Variants in ARHGAP5 observed in about 807,000 individuals in gnomAD.
The protein encoded by ARHGAP5 is Rho GTPase activating protein 5, also known as rho GTPase-activating protein 5.
In ARHGAP5, 23 loss-of-function variants were observed where a neutral mutation model predicts 116.6. That is an observed-to-expected ratio of 0.20 (90% CI 0.14 to 0.28). The LOEUF (loss-of-function observed/expected upper bound fraction) is 0.28. Among genes scored for constraint, ARHGAP5 ranks in the 10% least tolerant of loss-of-function variants. The probability of loss-of-function intolerance (pLI) is 1.00; values close to 1 mark genes in which losing one functional copy is unlikely to be tolerated. For synonymous variants in ARHGAP5, 574 were observed against 602.0 expected, an observed-to-expected ratio of 0.95 and a Z score of 0.68; for missense variants, 1,405 against 1,774.8, an observed-to-expected ratio of 0.79 and a Z score of 3.74.
intron 6 of ARHGAP5, 105 bp from the exon 7 acceptor site, chr14:32,154,516 A>AG: frequency 1.9e-6 from 2 of 1,026,038 alleles, no homozygotes; most frequent in Non-Finnish European, 2.8e-6. Flanking sequence ...CCAGGTTTGA[A>AG]GTAGGATAAA....
chr14:32,108,122 C>T (rs990261513), intron 2 of ARHGAP5, among the ~76,000 whole-genome samples: 1 of 152,052 alleles, frequency 6.6e-6, no homozygotes, highest in African/African-American at 2.4e-5. Flanking sequence ...CTGGTCGTGA[C>T]AAGCGGTTTA....
chr14:32,153,734 G>A (rs1414984412), intron 6 of ARHGAP5, among the ~76,000 whole-genome samples: 1 of 151,872 alleles, frequency 6.6e-6, no homozygotes, highest in Non-Finnish European at 1.5e-5. Context: ...GCCTCCCAAA[G>A]AGCTGGGGTT....
intron 4 of ARHGAP5, among the ~76,000 whole-genome samples, chr14:32,148,881 A>G (rs969825005): frequency 6.6e-6 from 1 of 152,150 alleles, no homozygotes; most frequent in Non-Finnish European, 1.5e-5. Context: ...CACCTTTAGT[A>G]TGTTCCATTC....
chr14:32,116,553 A>T (rs1333483163), intron 2 of ARHGAP5, among the ~76,000 whole-genome samples: 1 of 152,196 alleles, frequency 6.6e-6, no homozygotes, highest in Non-Finnish European at 1.5e-5. Flanking sequence ...AGATCGCGTC[A>T]CTCCACTCCA....
intron 3 of ARHGAP5, among the ~76,000 whole-genome samples, chr14:32,124,792 ATATGATTTTGG>A (rs1397758034): frequency 6.6e-6 from 1 of 152,166 alleles, no homozygotes; most frequent in Non-Finnish European, 1.5e-5. Flanking sequence ...TGGTCTTTAG[ATATGATTTTGG>A]TAATTGTCAG....
At chr14:32,150,523 A>T (rs1446957652) in intron 5 of ARHGAP5, among the ~76,000 whole-genome samples, 1 of 152,180 alleles carries the variant, frequency 6.6e-6, no homozygotes, top group Non-Finnish European at 1.5e-5. Context: ...TTGCAAAGTC[A>T]TTCCATGACC....
intron 3 of ARHGAP5, among the ~76,000 whole-genome samples, chr14:32,134,852 G>A (rs980894301): frequency 2.0e-5 from 3 of 152,160 alleles, no homozygotes; most frequent in African/African-American, 7.2e-5. Flanking sequence ...ATGCATGTCT[G>A]ATTTATATTT....
Position 32,133,182 on chromosome 14 carries a change from G to T in ARHGAP5, c.3866-13081G>T, listed in dbSNP as rs530511089. On this transcript the variant is annotated intron_variant, in intron 3 of 6. Transcript: ENST00000345122. ...ATCTATAAATTACCTTGGGCAATATGGCCATTTTCACGATATTGATTCTTC... is the reference window on the plus strand; with the variant it reads ...ATCTATAAATTACCTTGGGCAATATTGCCATTTTCACGATATTGATTCTTC... Among the ~76,000 whole-genome samples the T allele has an allele frequency of 2.6e-5, 4 of 152,236 alleles. No homozygotes were observed. The South Asian group carries it at 8.3e-4, about 32-fold the overall frequency.
Position 32,091,303 on chromosome 14 carries a change from G to A in ARHGAP5, c.634G>A (p.Val212Ile). The A allele has an allele frequency of 6.2e-7, 1 of 1,613,516 alleles. No homozygotes were observed. The highest frequency in any genetic ancestry group is 8.5e-7 in the Non-Finnish European group (1 of 1,179,644). ...ATGCGTGGATCATTATCTTAGAGAA[G>A]TTCAGGCATTTGCTTCAAATAAAAA... Reference protein sequence around the residue: ...DECVDHYLREVQAFASNKKNL... With the variant: ...DECVDHYLREIQAFASNKKNL... The change falls in exon 2 of 7, where the codon GTT (valine) becomes ATT (isoleucine). Residue 212 changes from valine to isoleucine, a missense_variant. Physicochemically the swap from Val to Ile is conservative, Grantham distance 29. Coordinates refer to ENST00000345122, the MANE Select transcript of ARHGAP5 (RefSeq NM_001030055.2).
At chr14:32,087,340 A>G (rs1055296889) in intron 1 of ARHGAP5, among the ~76,000 whole-genome samples, 10 of 152,146 alleles carry the variant, frequency 6.6e-5, no homozygotes, top group Admixed American at 5.9e-4. Flanking sequence ...AACCTGTTAG[A>G]GCCAACTTCA....
At position 32,152,509 on chromosome 14, in the gene ARHGAP5, G is replaced by A. The variant is rs1409201827; in HGVS notation, c.4162G>A (p.Val1388Met). 1.9e-6 allele frequency: 3 copies of A among 1,588,076 alleles called. No homozygotes were observed. Among genetic ancestry groups the A allele is most frequent in the South Asian group, 1.2e-5 (1 of 86,052 alleles). ...TGTAAACTATGATGTATTCAGATAC[G>A]TGATAACACATCTAAACAGGTATTT... ...HPVNYDVFRY[V>M]ITHLNRVSQQ... Residue 1388 changes from valine to methionine, a missense_variant, in exon 6 of 7, where the codon GTG becomes ATG. Physicochemically the swap from Val to Met is conservative, Grantham distance 21. Transcript: ENST00000345122.
At position 32,092,556 on chromosome 14, in the gene ARHGAP5, T is replaced by C. The variant is rs1212745034; in HGVS notation, c.1887T>C (p.Ile629=). Residue 629 remains isoleucine (I), a synonymous_variant, in exon 2 of 7, where the codon ATT becomes ATC. Transcript: ENST00000345122. The surrounding 1 kb of genome is among the most constrained non-coding windows in gnomAD (Gnocchi z 4.1). ...TDDEYALDGK[I]YELDLRPVDA... ...ATGAGTATGCCTTAGATGGAAAAATTTATGAACTTGATCTTCGGCCGGTTG... is the reference window on the plus strand; with the variant it reads ...ATGAGTATGCCTTAGATGGAAAAATCTATGAACTTGATCTTCGGCCGGTTG... 6.2e-7 allele frequency: 1 copy of C among 1,613,656 alleles called. No homozygotes were observed. The highest frequency in any genetic ancestry group is 1.3e-5 in the African/African-American group (1 of 74,996).
At position 32,156,989 on chromosome 14, in the gene ARHGAP5, ATTAAT is replaced by A. The variant is rs1362930609; in HGVS notation, c.*2047_*2051del. 2.0e-5 allele frequency: 3 copies of A among 152,464 alleles called. No homozygotes were observed. Among genetic ancestry groups the A allele is most frequent in the South Asian group, 4.1e-4 (2 of 4,828 alleles). 9.4% of individuals were successfully genotyped at this position (152,464 alleles called of 1,614,324 possible). Reference sequence around the variant, plus strand: ...TTTAAGCTGTTCTCTTTTATACTGTATTAATTTAATGTTCATCTGCGTTTAGTACC... The same window carrying A: ...TTTAAGCTGTTCTCTTTTATACTGTATTAATGTTCATCTGCGTTTAGTACC... On this transcript the variant is annotated 3_prime_UTR_variant, in exon 7 of 7. Coordinates refer to ENST00000345122, the MANE Select transcript of ARHGAP5 (RefSeq NM_001030055.2).
intron 3 of ARHGAP5, among the ~76,000 whole-genome samples, chr14:32,119,585 G>A (rs779240364): frequency 1.3e-4 from 20 of 151,986 alleles, no homozygotes; most frequent in Middle Eastern, 3.2e-3. Context: ...TTCATTCACC[G>A]CTAAAAGCAT....
intron 3 of ARHGAP5, among the ~76,000 whole-genome samples, chr14:32,130,387 G>GTT (rs758926640): frequency 1.8e-4 from 24 of 132,880 alleles, no homozygotes; most frequent in East Asian, 4.3e-4. Context: ...AATTTTTTGG[G>GTT]TTTTTTTTTT....
intron 3 of ARHGAP5, among the ~76,000 whole-genome samples, chr14:32,140,364 G>A (rs1006226183): frequency 4.6e-5 from 7 of 151,638 alleles, no homozygotes; most frequent in Non-Finnish European, 7.4e-5. Context: ...GGTGGATCAC[G>A]AGGTCAGGAG....
intron 3 of ARHGAP5, among the ~76,000 whole-genome samples, chr14:32,123,808 T>G (rs528936367): frequency 5.3e-5 from 8 of 152,298 alleles, no homozygotes; most frequent in Non-Finnish European, 1.2e-4. Context: ...TAAGATGGAT[T>G]GTAAGTTTGT....
intron 1 of ARHGAP5, among the ~76,000 whole-genome samples, chr14:32,085,104 T>C (rs960321417): frequency 5.3e-5 from 8 of 152,178 alleles, no homozygotes; most frequent in Non-Finnish European, 1.2e-4. Context: ...GACTTTTTGA[T>C]TTCTTCTCAC....
In ARHGAP5 at chr14:32,090,920, A is replaced by T; in HGVS notation, c.251A>T (p.Asp84Val). The change falls in exon 2 of 7, where the codon GAT (aspartate) becomes GTT (valine). Residue 84 changes from aspartate (D) to valine (V), a missense_variant. Coordinates refer to ENST00000345122, the MANE Select transcript of ARHGAP5 (RefSeq NM_001030055.2). ...GGTGACATAATACAAAATAGTGAAG[A>T]TGGAGTAGAATGCAAAATTCATGTC... ...YWGDIIQNSE[D>V]GVECKIHVIE... The T allele has an allele frequency of 6.2e-7, 1 of 1,613,670 alleles. No individual in the cohort carries two copies. The highest frequency in any genetic ancestry group is 1.1e-5 in the South Asian group (1 of 91,066).
Sources: gnomAD v4.1 joint callset for allele counts (sites outside exome capture counted in the v4.1 genomes callset) on GRCh38, gnomAD v4.1.1 for gene constraint, Gnocchi (gnomAD v3.1) non-coding constraint, MANE v1.5 for transcripts, NCBI Gene and HGNC (gene_info 2026-07-23, HGNC 2026-07-21) for gene names.